Variants in DHPS observed in about 807,000 individuals in gnomAD.
The protein encoded by DHPS is deoxyhypusine synthase.
Under a neutral mutation model 38.7 loss-of-function variants are expected in DHPS, and 24 were observed. The ratio of observed to expected loss-of-function variants is 0.62; its 90% CI spans 0.45 to 0.87. The LOEUF (loss-of-function observed/expected upper bound fraction) is 0.87. Ranked by LOEUF, DHPS falls within the 40% of genes least tolerant of loss-of-function variation. The pLI is 0.00. For synonymous variants in DHPS, 250 were observed against 204.4 expected (o/e 1.22, Z -1.90); for missense variants, 510 against 497.6 (o/e 1.02, Z -0.24).
At chr19:12,678,931 T>C (rs772646987) in intron 5 of DHPS, among the ~76,000 whole-genome samples, 6 of 151,248 alleles carry the variant, frequency 4.0e-5, no homozygotes, top group Non-Finnish European at 4.4e-5. Context: ...GCCTCTACTG[T>C]TCCAGAGATA....
downstream of DHPS, among the ~76,000 whole-genome samples, chr19:12,674,774 A>G (rs1236772184): frequency 3.3e-5 from 5 of 152,188 alleles, no homozygotes. Flanking sequence ...GACATGGTCT[A>G]GAAGCAGAGC....
At chr19:12,681,057 C>T (rs1181446570) in intron 1 of DHPS, 1 of 1,103,764 alleles carries the variant, frequency 9.1e-7, no homozygotes, top group Non-Finnish European at 1.2e-6. Context: ...TTGTCTCGAA[C>T]TCCTCTTCTC....
Position 12,680,196 on chromosome 19 carries a change from G to T in DHPS, c.337C>A (p.Arg113Ser), listed in dbSNP as rs757504468. 1.6e-5 allele frequency: 26 copies of T among 1,614,030 alleles called. No individual in the cohort carries two copies. The highest frequency in any genetic ancestry group is 2.2e-5 in the Non-Finnish European group (26 of 1,180,022). Reference protein sequence around the residue: ...YTSNLISSGIRETIRYLVQHN... With the variant: ...YTSNLISSGISETIRYLVQHN... ...TGCACAAGGTAGCGAATGGTCTCAC[G>T]GATGCCTGAACTGATGAGGTTGGAT... Residue 113 changes from arginine to serine, a missense_variant, in exon 2 of 9, where the codon CGT becomes AGT. Physicochemically the swap from Arg to Ser is moderately radical, Grantham distance 110 (BLOSUM62 -1). Coordinates refer to ENST00000210060, the MANE Select transcript of DHPS (RefSeq NM_001930.4).
downstream of DHPS, chr19:12,673,287 G>C: frequency 6.2e-7 from 1 of 1,613,990 alleles, no homozygotes; most frequent in Non-Finnish European, 8.5e-7. Flanking sequence ...TTCTGAGGAC[G>C]GGAAGGTGTT....
chr19:12,679,724 G>T lies in DHPS; in HGVS notation c.495-5C>A. On this transcript the variant is annotated splice_region_variant and splice_polypyrimidine_tract_variant and intron_variant, in intron 3 of 8. Transcript: ENST00000210060. ...GGCACCAGCAGGTTTCCGATCCTGA[G>T]AACAGGAGGCATGTAGGCATCAGGC... 2.5e-6 allele frequency: 4 copies of T among 1,614,172 alleles called. No homozygotes were observed. The highest frequency in any genetic ancestry group is 3.4e-6 in the Non-Finnish European group (4 of 1,180,032).
chr19:12,679,870 C>A lies in DHPS; in HGVS notation c.425G>T (p.Cys142Phe), dbSNP rs1371365729. 5 of 1,614,046 alleles carry A rather than the reference C, an allele frequency of 3.1e-6. No individual in the cohort carries two copies. In the African/African-American group the frequency reaches 5.3e-5, roughly 17 times the overall value. ...AGGVEEDLIKCLAPTYLGEFS... is the reference protein window; with the variant it reads ...AGGVEEDLIKFLAPTYLGEFS... ...CTCGCCCAAGTATGTGGGCGCCAGG[C>A]ACTTGATGAGGTCTTCCTCCACGCC... Residue 142 changes from cysteine to phenylalanine, a missense_variant, in exon 3 of 9, where the codon TGC becomes TTC. By Grantham distance (205) the Cys-to-Phe change is radical. Coordinates refer to ENST00000210060, the MANE Select transcript of DHPS (RefSeq NM_001930.4).
At chr19:12,673,367 C>T, downstream of DHPS, 1 of 1,389,046 alleles carries the variant, frequency 7.2e-7, no homozygotes, top group Non-Finnish European at 1.0e-6. Context: ...CCCATCTCAG[C>T]CCTGTCCTTA....
rs746283542 is a variant in DHPS at position 12,679,738 on chromosome 19, T to C, written c.495-19A>G. 1.5e-5 allele frequency: 24 copies of C among 1,614,172 alleles called. No individual in the cohort carries two copies. The highest frequency in any genetic ancestry group is 1.9e-5 in the Non-Finnish European group (23 of 1,180,030). ...TCCGATCCTGAGAACAGGAGGCATG[T>C]AGGCATCAGGCCCCAGGACCCTTGG... On this transcript the variant is annotated intron_variant, in intron 3 of 8. Coordinates refer to ENST00000210060, the MANE Select transcript of DHPS (RefSeq NM_001930.4).
downstream of DHPS, chr19:12,673,070 T>C: frequency 6.2e-7 from 1 of 1,613,476 alleles, no homozygotes; most frequent in South Asian, 1.1e-5. Flanking sequence ...CAGCCTGGAC[T>C]CCACATTGCG....
At chr19:12,676,920 T>A in intron 7 of DHPS, 188 bp downstream of exon 7, 1 of 606,136 alleles carries the variant, frequency 1.6e-6, no homozygotes, top group Non-Finnish European at 3.0e-6. Flanking sequence ...TGCCATCATT[T>A]AGTATTCCCC....
rs947309433 is a variant in DHPS at position 12,681,024 on chromosome 19, G to A, written c.207+536C>T. On this transcript the variant is annotated intron_variant, in intron 1 of 8. Coordinates refer to ENST00000210060, the MANE Select transcript of DHPS (RefSeq NM_001930.4). ...AATTTTTTGCATTTTAGTAGAGACA[G>A]GGTTTCACCATGTTGGCCAGGCTTG... The A allele has an allele frequency of 1.1e-5, 8 of 740,184 alleles. No homozygotes were observed. In the Admixed American group the frequency reaches 2.2e-4, roughly 20 times the overall value. The allele number at this position is 740,184 out of a possible 1,614,324, so 45.9% of individuals were successfully genotyped here.
chr19:12,675,387 T>TA, downstream of DHPS: 2 of 1,256,418 alleles, frequency 1.6e-6, no homozygotes, highest in South Asian at 1.5e-5. Context: ...AGGAGGCAAT[T>TA]AGAGGCAGGT....
Position 12,677,174 on chromosome 19 carries a change from C to A in DHPS, c.822G>T (p.Lys274Asn). Reference protein sequence around the residue: ...RLINTQAIFAKCTGMIILGGG... With the variant: ...RLINTQAIFANCTGMIILGGG... Reference sequence around the variant, plus strand: ...CGCCCAGAATGATCATCCCAGTGCACTTGGCAAAGATGGCCTGTGTGTTGA... The same window carrying A: ...CGCCCAGAATGATCATCCCAGTGCAATTGGCAAAGATGGCCTGTGTGTTGA... The change falls in exon 7 of 9, where the codon AAG becomes AAT. Residue 274 changes from lysine to asparagine, a missense_variant. Physicochemically the swap from Lys to Asn is moderately conservative, Grantham distance 94. Coordinates refer to ENST00000210060, the MANE Select transcript of DHPS (RefSeq NM_001930.4). The A allele has an allele frequency of 6.2e-7, 1 of 1,614,258 alleles. No homozygotes were observed. Among genetic ancestry groups the A allele is most frequent in the Non-Finnish European group, 8.5e-7 (1 of 1,180,038 alleles).
chr19:12,679,700 G>T lies in DHPS; in HGVS notation c.514C>A (p.Pro172Thr), dbSNP rs1387748854. 7.4e-6 allele frequency: 12 copies of T among 1,614,126 alleles called. No individual in the cohort carries two copies. Among genetic ancestry groups the T allele is most frequent in the Non-Finnish European group, 1.0e-5 (12 of 1,180,028 alleles). The change falls in exon 4 of 9, where the codon CCC (proline) becomes ACC (threonine). Residue 172 changes from proline to threonine, a missense_variant. Transcript: ENST00000210060. Reference sequence around the variant, plus strand: ...TCAAACTTGCAGTAATTCTCATTGGGCACCAGCAGGTTTCCGATCCTGAGA... The same window carrying T: ...TCAAACTTGCAGTAATTCTCATTGGTCACCAGCAGGTTTCCGATCCTGAGA... ...GINRIGNLLV[P>T]NENYCKFEDW...
At chr19:12,681,328 A>G (rs1290014710) in intron 1 of DHPS, 2 of 1,085,622 alleles carry the variant, frequency 1.8e-6, no homozygotes, top group Non-Finnish European at 2.5e-6. Flanking sequence ...CCACACCAAG[A>G]ATCAGTCCTC....
At chr19:12,673,735 C>T (rs575620746), downstream of DHPS, among the ~76,000 whole-genome samples, 2 of 151,420 alleles carry the variant, frequency 1.3e-5, no homozygotes, top group Admixed American at 1.3e-4. Context: ...TTTTTTGAGA[C>T]TATTGCCCAG....
At chr19:12,680,597 G>C (rs1484843563) in intron 1 of DHPS, among the ~76,000 whole-genome samples, 4 of 149,540 alleles carry the variant, frequency 2.7e-5, no homozygotes, top group Non-Finnish European at 5.9e-5. Context: ...GCAATGGCGC[G>C]ATCTCGGCTC....
Position 12,679,561 on chromosome 19 carries a change from C to T in DHPS, c.592-18G>A, listed in dbSNP as rs1482192293. 2 of 1,614,038 alleles carry T rather than the reference C, an allele frequency of 1.2e-6. No homozygotes were observed. The highest frequency in any genetic ancestry group is 1.1e-5 in the South Asian group (1 of 91,074). On this transcript the variant is annotated intron_variant, in intron 4 of 8. Coordinates refer to ENST00000210060, the MANE Select transcript of DHPS (RefSeq NM_001930.4). ...TTTACACCCTAGGAGAGGATGTGACCTTCAGGCCATGCCTCCCCTGACTCC... is the reference window on the plus strand; with the variant it reads ...TTTACACCCTAGGAGAGGATGTGACTTTCAGGCCATGCCTCCCCTGACTCC...
intron 1 of DHPS, among the ~76,000 whole-genome samples, chr19:12,680,612 C>T (rs546629503): frequency 1.3e-5 from 2 of 151,484 alleles, no homozygotes; most frequent in South Asian, 4.2e-4. Flanking sequence ...CGGCTCACTG[C>T]AAGCTCCACC....
Sources: gnomAD v4.1 joint callset for allele counts (sites outside exome capture counted in the v4.1 genomes callset) on GRCh38, gnomAD v4.1.1 for gene constraint, MANE v1.5 for transcripts, NCBI Gene and HGNC (gene_info 2026-07-23, HGNC 2026-07-21) for gene names.